The following FBXO27 variants were observed in gnomAD, a reference collection of about 807,000 sequenced individuals.
FBXO27 encodes F-box only protein 27.
FBXO27 carries 28 observed loss-of-function variants against 28.3 expected under a neutral mutation model. The ratio of observed to expected loss-of-function variants is 0.99; its 90% CI spans 0.73 to 1.36. FBXO27 has a LOEUF of 1.36. FBXO27 is among the 40% of genes most tolerant of loss of function. The pLI, the probability that FBXO27 is intolerant of heterozygous loss-of-function variation, is 0.00. For synonymous variants in FBXO27, 175 were observed against 167.3 expected (o/e 1.05, Z -0.36); for missense variants, 388 against 394.1 (o/e 0.98, Z 0.13).
intron 2 of FBXO27, among the ~76,000 whole-genome samples, chr19:39,011,258 C>T (rs1335995746): frequency 2.6e-5 from 4 of 152,148 alleles, no homozygotes; most frequent in Admixed American, 6.6e-5. Context: ...TGGTGAAACC[C>T]CGTCTCTACT....
chr19:39,021,849 G>A (rs903049750), downstream of FBXO27, among the ~76,000 whole-genome samples: 3 of 151,992 alleles, frequency 2.0e-5, no homozygotes, highest in African/African-American at 7.2e-5. Context: ...TTTTAGTAGA[G>A]ATGGGGTTTC....
At chr19:39,019,219 C>T (rs574108987), downstream of FBXO27, among the ~76,000 whole-genome samples, 16 of 151,380 alleles carry the variant, frequency 1.1e-4, no homozygotes, top group African/African-American at 3.6e-4. Context: ...ATCAGGAGAT[C>T]GAGACCATCC....
intron 1 of FBXO27, among the ~76,000 whole-genome samples, chr19:39,015,124 T>C (rs1288077691): frequency 6.6e-6 from 1 of 150,824 alleles, no homozygotes; most frequent in African/African-American, 2.4e-5. Context: ...GAGACCAGCC[T>C]GGGCAACGTG....
At chr19:39,025,750 C>T (rs2072869794) in intron 5 of FBXO27, among the ~76,000 whole-genome samples, 196 bp from the exon 6 acceptor site, 1 of 152,208 alleles carries the variant, frequency 6.6e-6, no homozygotes, top group South Asian at 2.1e-4. Flanking sequence ...CGGTATGGCT[C>T]GTGCCTGTAA....
At chr19:39,021,809 C>T (rs1437808274), downstream of FBXO27, among the ~76,000 whole-genome samples, 4 of 151,890 alleles carry the variant, frequency 2.6e-5, no homozygotes, top group Non-Finnish European at 4.4e-5. Flanking sequence ...ATTACAGGTA[C>T]CTGCCACCAC....
At chr19:39,028,132 G>T (rs773135787) in intron 4 of FBXO27, among the ~76,000 whole-genome samples, 185 of 151,810 alleles carry the variant, frequency 1.2e-3, no homozygotes, top group Middle Eastern at 0.01. Flanking sequence ...TCCCAGCTAC[G>T]AGGCAGGAGA....
chr19:39,016,429 A>G (rs560048949), intron 1 of FBXO27, among the ~76,000 whole-genome samples: 2 of 151,740 alleles, frequency 1.3e-5, no homozygotes, highest in Non-Finnish European at 2.9e-5. Context: ...TTTCTGCTCA[A>G]TTTTGCTGTG....
chr19:39,008,446 G>C (rs2144878797), intron 2 of FBXO27, among the ~76,000 whole-genome samples: 2 of 152,208 alleles, frequency 1.3e-5, no homozygotes, highest in African/African-American at 4.8e-5. Flanking sequence ...TACAAAATCA[G>C]TATGTCTCAT....
At chr19:39,009,941 C>T (rs1172372024) in intron 2 of FBXO27, among the ~76,000 whole-genome samples, 1 of 151,946 alleles carries the variant, frequency 6.6e-6, no homozygotes, top group Admixed American at 6.6e-5. Context: ...TCCCGAGTAG[C>T]TGGGATTATA....
chr19:39,007,071 AAAAAAAAT>A (rs1975740070), intron 2 of FBXO27, among the ~76,000 whole-genome samples: 1 of 150,208 alleles, frequency 6.7e-6, no homozygotes, highest in Admixed American at 6.6e-5. Context: ...AAAAAAAAAA[AAAAAAAAT>A]ACAGAAAAGT....
At chr19:39,031,607 A>C (rs2072903957) in intron 2 of FBXO27, among the ~76,000 whole-genome samples, 1 of 85,078 alleles carries the variant, frequency 1.2e-5, no homozygotes, top group South Asian at 3.5e-4. Context: ...AGCCCTGCCC[A>C]GTCAGCCCTG....
At chr19:39,017,656 C>A (rs2072826138) in intron 1 of FBXO27, among the ~76,000 whole-genome samples, 3 of 106,950 alleles carry the variant, frequency 2.8e-5, no homozygotes, top group Admixed American at 1.7e-4. Flanking sequence ...AACAGCGAGA[C>A]TGTCTCAAAA....
intron 1 of FBXO27, among the ~76,000 whole-genome samples, chr19:39,017,208 AATC>A (rs550711013): frequency 4.3e-4 from 66 of 152,268 alleles, no homozygotes; most frequent in African/African-American, 1.5e-3. Context: ...TCATGGCAGA[AATC>A]ATCGTTTACA....
intron 1 of FBXO27, among the ~76,000 whole-genome samples, chr19:39,016,131 G>A (rs934267791): frequency 6.6e-6 from 1 of 152,130 alleles, no homozygotes; most frequent in Non-Finnish European, 1.5e-5. Context: ...TTGAGGGAGG[G>A]AGGAGTGAAC....
At chr19:39,030,947 G>T in intron 4 of FBXO27, 82 bp downstream of exon 4, 2 of 1,145,342 alleles carry the variant, frequency 1.7e-6, no homozygotes, top group Non-Finnish European at 2.6e-6. Context: ...GGGTTAGGAG[G>T]CCTAAATTAA....
intron 2 of FBXO27, among the ~76,000 whole-genome samples, chr19:39,007,183 A>G (rs1373040614): frequency 6.6e-6 from 1 of 151,816 alleles, no homozygotes; most frequent in African/African-American, 2.4e-5. Context: ...TAAGAGGTTC[A>G]GGGGCCCCAG....
Position 39,032,101 on chromosome 19 carries a change from G to C in FBXO27, c.127C>G (p.Pro43Ala). 1 of 1,531,660 alleles carries C rather than the reference G, an allele frequency of 6.5e-7. No homozygotes were observed. Among genetic ancestry groups the C allele is most frequent in the Non-Finnish European group, 8.7e-7 (1 of 1,146,766 alleles). The allele number at this position is 1,531,660 out of a possible 1,614,324, so 94.9% of individuals were successfully genotyped here. Residue 43 changes from proline (P) to alanine (A), a missense_variant, in exon 2 of 6, where the codon CCG becomes GCG. Transcript: ENST00000292853. The surrounding 1 kb of genome is among the most constrained non-coding windows in gnomAD (Gnocchi z 4.7). ...LLLVVLSHVP[P>A]RTLLGRCRQV... ...CGGCAGCGCCCGAGCAGCGTGCGCGGGGGGACGTGGCTCAGCACCACCAGA... is the reference window on the plus strand; with the variant it reads ...CGGCAGCGCCCGAGCAGCGTGCGCGCGGGGACGTGGCTCAGCACCACCAGA...
At chr19:39,012,672 A>G (rs915309350) in intron 2 of FBXO27, among the ~76,000 whole-genome samples, 1 of 151,920 alleles carries the variant, frequency 6.6e-6, no homozygotes, top group African/African-American at 2.4e-5. Flanking sequence ...ATATCAAGAA[A>G]AGAAGCGGGG....
chr19:39,025,721 A>G lies in FBXO27; in HGVS notation c.709-167T>C, dbSNP rs897253918. On this transcript the variant is annotated intron_variant, in intron 5 of 5. Coordinates refer to ENST00000292853, the MANE Select transcript of FBXO27 (RefSeq NM_178820.5). ...AGAATCTTCCACTCCCTCATTAAAA[A>G]GTAGAATCTGGTCGGGTGCGGTATG... Among the ~76,000 whole-genome samples, 4 of 152,196 alleles carry G rather than the reference A, an allele frequency of 2.6e-5. No individual in the cohort carries two copies. In the East Asian group the frequency reaches 7.7e-4, roughly 29 times the overall value.
Sources: gnomAD v4.1 joint callset for allele counts (sites outside exome capture counted in the v4.1 genomes callset) on GRCh38, gnomAD v4.1.1 for gene constraint, Gnocchi (gnomAD v3.1) non-coding constraint, MANE v1.5 for transcripts, NCBI Gene and HGNC (gene_info 2026-07-23, HGNC 2026-07-21) for gene names.